The following ANGPTL6 variants were observed in gnomAD, a reference collection of about 807,000 sequenced individuals.
The protein encoded by ANGPTL6 is angiopoietin like 6, also known as angiopoietin-related protein 6.
In ANGPTL6, 45 loss-of-function variants were observed where a neutral mutation model predicts 47.4. That is an observed-to-expected ratio of 0.95 (90% CI 0.75 to 1.22). The LOEUF is 1.22. ANGPTL6 is among the 50% of genes most tolerant of loss of function. The pLI, the probability that ANGPTL6 is intolerant of heterozygous loss-of-function variation, is 0.00. For missense variants in ANGPTL6, 698 were observed against 669.4 expected (o/e 1.04, Z -0.47); for synonymous variants, 290 against 295.9 (o/e 0.98, Z 0.20).
At position 10,093,815 on chromosome 19, in the gene ANGPTL6, G is replaced by T. The variant is rs199765075; in HGVS notation, c.829C>A (p.Arg277=). 3 of 1,613,600 alleles carry T rather than the reference G, an allele frequency of 1.9e-6. No homozygotes were observed. The highest frequency in any genetic ancestry group is 2.5e-6 in the Non-Finnish European group (3 of 1,180,022). ...ACTGACACTACGTGACGGCCCACTC[G>T]CAGTTCATACACTCCACTCTGTTCA... is the stretch of plus-strand genomic sequence containing the variant. ...GHEQSGVYEL[R]VGRHVVSVWC... The change falls in exon 4 of 6, where the codon CGA becomes AGA. Residue 277 remains arginine, a synonymous_variant. Transcript: ENST00000253109.
chr19:10,093,625 A>G lies in ANGPTL6; in HGVS notation c.952-6T>C. The G allele has an allele frequency of 2.5e-6, 4 of 1,613,266 alleles. No homozygotes were observed. Among genetic ancestry groups the G allele is most frequent in the Non-Finnish European group, 3.4e-6 (4 of 1,179,344 alleles). On this transcript the variant is annotated splice_polypyrimidine_tract_variant and splice_region_variant and intron_variant, in intron 4 of 5. Transcript: ENST00000253109. ...TCTGGCCGCCCAAAGCCCGCCTGGC[A>G]GGGCAGGAAAGTCAGGAAGCCAGAA...
Position 10,096,545 on chromosome 19 carries a change from G to T in ANGPTL6, c.19C>A (p.Arg7Ser). Residue 7 changes from arginine to serine, a missense_variant, in exon 2 of 6, where the codon CGT (arginine) becomes AGT (serine). Physicochemically the swap from Arg to Ser is moderately radical, Grantham distance 110. Transcript: ENST00000253109. Reference protein sequence around the residue: MGKPWLRALQLLLLLGA... With the variant: MGKPWLSALQLLLLLGA... ...AGCAGGAGCAGCAGCTGTAGCGCAC[G>T]CAGCCAGGGCTTCCCCATCGCGGCG... The T allele has an allele frequency of 6.6e-7, 1 of 1,511,490 alleles. No homozygotes were observed. The highest frequency in any genetic ancestry group is 8.8e-7 in the Non-Finnish European group (1 of 1,136,902). 93.6% of individuals were successfully genotyped at this position (1,511,490 alleles called of 1,614,324 possible).
In ANGPTL6 at chr19:10,094,820, T is replaced by A; in HGVS notation, c.701A>T (p.Gln234Leu). 2 of 1,614,202 alleles carry A rather than the reference T, an allele frequency of 1.2e-6. No homozygotes were observed. The highest frequency in any genetic ancestry group is 1.7e-6 in the Non-Finnish European group (2 of 1,180,034). ...CATGGGAGAAGCCATGGGCTCCTGC[T>A]GTCTCTGGGTCTGGTCTCTCTGGGG... The part of the protein sequence containing the change: ...PEPQRDQTQR[Q>L]QEPMASPMPA... Residue 234 changes from glutamine (Q) to leucine (L), a missense_variant, in exon 3 of 6, where the codon CAG becomes CTG. By Grantham distance (113) the Gln-to-Leu change is moderately radical. Transcript: ENST00000253109.
upstream of ANGPTL6, chr19:10,106,159 G>T (rs73009299): frequency 0.093 from 63,027 of 675,464 alleles, 3,677 homozygotes; most frequent in Non-Finnish European, 0.11. Flanking sequence ...CGAACCGGCG[G>T]ATTCGTTTCT....
Position 10,092,359 on chromosome 19 carries a change from T to C in ANGPTL6, c.*230A>G. ...GGTCTGTGGCTACTTTGTGTTATTA[T>C]AAGATATGAGCTCAAACCGAGATAT... On this transcript the variant is annotated 3_prime_UTR_variant, in exon 6 of 6. Coordinates refer to ENST00000253109, the MANE Select transcript of ANGPTL6 (RefSeq NM_031917.3). 6.5e-7 allele frequency: 1 copy of C among 1,543,942 alleles called. No homozygotes were observed. The highest frequency in any genetic ancestry group is 2.4e-5 in the East Asian group (1 of 40,968).
At position 10,093,514 on chromosome 19, in the gene ANGPTL6, C is replaced by G; in HGVS notation, c.1057G>C (p.Gly353Arg). Residue 353 changes from glycine to arginine, a missense_variant, in exon 5 of 6, where the codon GGG (glycine) becomes CGG (arginine). Coordinates refer to ENST00000253109, the MANE Select transcript of ANGPTL6 (RefSeq NM_031917.3). ...TAGTGGGCACGTGCTCCACGGCCCC[C>G]CCAGTCCTCCAGGAGAACCAGCAGC... The part of the protein sequence containing the change: ...HELLVLLEDW[G>R]GRGARAHYDG... 1 of 1,614,214 alleles carries G rather than the reference C, an allele frequency of 6.2e-7. No homozygotes were observed. Among genetic ancestry groups the G allele is most frequent in the Non-Finnish European group, 8.5e-7 (1 of 1,180,036 alleles).
chr19:10,093,877 G>A lies in ANGPTL6; in HGVS notation c.767C>T (p.Pro256Leu), dbSNP rs370907060. The A allele has an allele frequency of 1.6e-5, 25 of 1,607,398 alleles. No individual in the cohort carries two copies. Among genetic ancestry groups the A allele is most frequent in the Middle Eastern group, 1.6e-4 (1 of 6,062 alleles). Residue 256 changes from proline (P) to leucine (L), a missense_variant, in exon 4 of 6, where the codon CCG becomes CTG. Transcript: ENST00000253109. ...GCGGGCCTCTGCACAATCCTGCCAC[G>A]GGCCTGTGGGCACAGGGATAGGGGG... ...HPAVPTKPVG[P>L]WQDCAEARQA...
intron 1 of ANGPTL6, 61 bp from the exon 2 acceptor site, chr19:10,096,634 C>A: frequency 1.5e-6 from 2 of 1,292,116 alleles, no homozygotes; most frequent in Non-Finnish European, 1.0e-6. Context: ...GACCCCTCCG[C>A]TTCCACGCGG....
At chr19:10,101,476 A>T (rs1246118504) in intron 1 of ANGPTL6, among the ~76,000 whole-genome samples, 1 of 152,142 alleles carries the variant, frequency 6.6e-6, no homozygotes, top group African/African-American at 2.4e-5. Context: ...AGGCAGAGAG[A>T]ACAGCAGGTG....
chr19:10,101,957 A>G (rs996562325), intron 1 of ANGPTL6, among the ~76,000 whole-genome samples: 1 of 149,868 alleles, frequency 6.7e-6, no homozygotes, highest in Admixed American at 6.6e-5. Flanking sequence ...TACAAAAAAA[A>G]AAAAAAAAAT....
chr19:10,098,516 G>C (rs11671983), intron 1 of ANGPTL6, among the ~76,000 whole-genome samples: 17,611 of 152,098 alleles, frequency 0.12, 1,123 homozygotes, highest in Middle Eastern at 0.16. Context: ...AAGCAACCTG[G>C]GAGAGGTTAA....
upstream of ANGPTL6, among the ~76,000 whole-genome samples, chr19:10,103,175 C>T (rs1002104177): frequency 6.6e-6 from 1 of 151,776 alleles, no homozygotes; most frequent in Non-Finnish European, 1.5e-5. Flanking sequence ...AGGATGGGAG[C>T]CAGCCAAGGT....
At chr19:10,094,677 C>A in intron 3 of ANGPTL6, 81 bp downstream of exon 3, 1 of 1,545,414 alleles carries the variant, frequency 6.5e-7, no homozygotes, top group Non-Finnish European at 8.9e-7. Flanking sequence ...GGTCTTCTCA[C>A]AATGAGAGAA....
At chr19:10,104,754 C>T (rs1386329729), upstream of ANGPTL6, among the ~76,000 whole-genome samples, 2 of 152,196 alleles carry the variant, frequency 1.3e-5, no homozygotes, top group Non-Finnish European at 2.9e-5. Flanking sequence ...CACATCACAA[C>T]TTAAAGGGAA....
upstream of ANGPTL6, among the ~76,000 whole-genome samples, chr19:10,105,370 G>A (rs930565228): frequency 3.3e-5 from 5 of 152,156 alleles, no homozygotes; most frequent in South Asian, 2.1e-4. Context: ...GAGAGGCATA[G>A]GGAGATGGGA....
In ANGPTL6 at chr19:10,097,578, G is replaced by T. The variant is rs558876955; in HGVS notation, c.-10-1005C>A. On this transcript the variant is annotated intron_variant, in intron 1 of 5. Transcript: ENST00000253109. ...ATGCTAAAAATAACAGTAGGGCCAG[G>T]CGCGGTGGCTCACTCCTGTAATCCC... Among the ~76,000 whole-genome samples the T allele has an allele frequency of 1.6e-4, 25 of 152,286 alleles. No individual in the cohort carries two copies. The East Asian group carries it at 3.5e-3, about 21-fold the overall frequency.
Position 10,094,437 on chromosome 19 carries a change from C to T in ANGPTL6, c.763+321G>A, listed in dbSNP as rs59387403. ...CTGGGATTACAGGCATGAGCCATCG[C>T]GCCCGGCCAACTCTGGGGTTCTTAA... is the stretch of plus-strand genomic sequence containing the variant. On this transcript the variant is annotated intron_variant, in intron 3 of 5. Coordinates refer to ENST00000253109, the MANE Select transcript of ANGPTL6 (RefSeq NM_031917.3). 5.1e-3 allele frequency: 1,773 copies of T among 348,464 alleles called. 34 individuals are homozygous for T. Among genetic ancestry groups the T allele is most frequent in the African/African-American group, 0.036 (1,637 of 45,566 alleles). 21.6% of individuals were successfully genotyped at this position (348,464 alleles called of 1,614,324 possible).
rs1343316140 is a variant in ANGPTL6, at chr19:10,092,534, T to C, written c.*55A>G. ...ACAAAGAAGGTGTGGCCAGAACAAC[T>C]TGGGCTCCTGCTGACCAATGTCCTC... On this transcript the variant is annotated 3_prime_UTR_variant, in exon 6 of 6. Transcript: ENST00000253109. 81 of 1,549,108 alleles carry C rather than the reference T, an allele frequency of 5.2e-5. No individual in the cohort carries two copies. Among genetic ancestry groups the C allele is most frequent in the Non-Finnish European group, 6.7e-5 (77 of 1,144,158 alleles).
upstream of ANGPTL6, among the ~76,000 whole-genome samples, chr19:10,103,754 A>G (rs915870311): frequency 2.6e-5 from 4 of 151,666 alleles, 1 homozygote; most frequent in South Asian, 4.1e-4. Flanking sequence ...TACCTCAGTT[A>G]CATGTGATTT....
Sources: gnomAD v4.1 joint callset for allele counts (sites outside exome capture counted in the v4.1 genomes callset) on GRCh38, gnomAD v4.1.1 for gene constraint, MANE v1.5 for transcripts, NCBI Gene and HGNC (gene_info 2026-07-23, HGNC 2026-07-21) for gene names.